Variants in TBC1D22A observed in about 807,000 individuals in gnomAD.
TBC1D22A encodes the protein putative GTPase activator.
Under a neutral mutation model 60.2 loss-of-function variants are expected in TBC1D22A, and 38 were observed. That is an observed-to-expected ratio of 0.63 (90% CI 0.49 to 0.83). The LOEUF (loss-of-function observed/expected upper bound fraction) is 0.83. Among genes scored for constraint, TBC1D22A ranks in the 40% least tolerant of loss-of-function variants. The probability of loss-of-function intolerance (pLI) is 0.00; values close to 1 mark genes in which losing one functional copy is unlikely to be tolerated. For missense variants in TBC1D22A, 628 were observed against 701.0 expected (o/e 0.90, Z 1.18); for synonymous variants, 302 against 281.7 (o/e 1.07, Z -0.72).
In TBC1D22A at chr22:46,904,142, T is replaced by TCTACCTACCTAC. The variant is rs11268390; in HGVS notation, c.901-7910_901-7899dup. Among the ~76,000 whole-genome samples, 186 of 134,574 alleles carry TCTACCTACCTAC rather than the reference T, an allele frequency of 1.4e-3. 1 individual carries two copies. Among genetic ancestry groups the TCTACCTACCTAC allele is most frequent in the African/African-American group, 5.2e-3 (177 of 33,882 alleles). 88.3% of individuals were successfully genotyped at this position (134,574 alleles called of 152,430 possible). ...ATCTATCTATCTATCTATCTATCTATCTACCTACCTACCTACCTACCTACC... is the reference window on the plus strand; with the variant it reads ...ATCTATCTATCTATCTATCTATCTATCTACCTACCTACCTACCTACCTACCTACCTACCTACC... On this transcript the variant is annotated intron_variant, in intron 7 of 12. Transcript: ENST00000337137.
intron 8 of TBC1D22A, among the ~76,000 whole-genome samples, chr22:46,946,254 T>C (rs924890977): frequency 1.3e-5 from 2 of 152,222 alleles, no homozygotes; most frequent in Non-Finnish European, 2.9e-5. Flanking sequence ...GTGGCTGAAC[T>C]GAACCACGTT....
intron 10 of TBC1D22A, among the ~76,000 whole-genome samples, chr22:46,998,385 G>A (rs896062316): frequency 2.0e-5 from 3 of 152,100 alleles, no homozygotes; most frequent in African/African-American, 7.2e-5. Context: ...AAGCAGAACC[G>A]GGCATGTATT....
chr22:46,957,217 TA>T (rs1360528543), intron 8 of TBC1D22A, among the ~76,000 whole-genome samples: 1 of 152,174 alleles, frequency 6.6e-6, no homozygotes, highest in Non-Finnish European at 1.5e-5. Context: ...TGTTTGGAAA[TA>T]AAACAAAAGT....
chr22:46,985,284 T>C (rs1485673276), intron 9 of TBC1D22A, among the ~76,000 whole-genome samples: 1 of 152,138 alleles, frequency 6.6e-6, no homozygotes, highest in African/African-American at 2.4e-5. Context: ...AATGAATGCC[T>C]GGAGCGCCGA....
chr22:46,984,404 A>AG (rs2074639331), intron 9 of TBC1D22A, among the ~76,000 whole-genome samples: 2 of 142,876 alleles, frequency 1.4e-5, no homozygotes, highest in South Asian at 2.2e-4. Context: ...AAAAAAAAAA[A>AG]AAGAGAAGTT....
At chr22:46,921,404 A>G (rs761938370) in intron 8 of TBC1D22A, among the ~76,000 whole-genome samples, 4 of 152,226 alleles carry the variant, frequency 2.6e-5, no homozygotes, top group Non-Finnish European at 2.9e-5. Flanking sequence ...CCATGTTGCT[A>G]CAAAGGATGT....
At chr22:46,883,403 G>A (rs943296085) in intron 5 of TBC1D22A, among the ~76,000 whole-genome samples, 2 of 152,204 alleles carry the variant, frequency 1.3e-5, no homozygotes, top group Non-Finnish European at 2.9e-5. Context: ...ATACTTGAAT[G>A]TATTTCATTT....
chr22:47,049,651 C>G (rs375394392), intron 11 of TBC1D22A, among the ~76,000 whole-genome samples: 5 of 152,184 alleles, frequency 3.3e-5, no homozygotes, highest in Admixed American at 2.6e-4. Flanking sequence ...AAACATAACA[C>G]AAATCAAATA....
chr22:46,891,042 C>T (rs1349082493), intron 5 of TBC1D22A, among the ~76,000 whole-genome samples: 1 of 152,176 alleles, frequency 6.6e-6, no homozygotes, highest in Non-Finnish European at 1.5e-5. Context: ...GACGCAAGCC[C>T]AGGCCCCTTC....
At chr22:47,094,572 C>T (rs917390109) in intron 11 of TBC1D22A, among the ~76,000 whole-genome samples, 2 of 152,194 alleles carry the variant, frequency 1.3e-5, no homozygotes, top group Non-Finnish European at 2.9e-5. Flanking sequence ...AGATAAATGC[C>T]CTCTGTCTAT....
chr22:46,775,572 G>A (rs1416672043), intron 1 of TBC1D22A, among the ~76,000 whole-genome samples: 4 of 152,194 alleles, frequency 2.6e-5, no homozygotes, highest in African/African-American at 7.2e-5. Context: ...GGCCACAGCT[G>A]CCTCCTGGAA....
intron 8 of TBC1D22A, among the ~76,000 whole-genome samples, chr22:46,966,263 C>T (rs1330771040): frequency 6.6e-6 from 1 of 152,128 alleles, no homozygotes; most frequent in Non-Finnish European, 1.5e-5. Flanking sequence ...GCCTTCTGCC[C>T]CATCACCCTG....
chr22:46,799,531 C>T (rs2084807284), intron 4 of TBC1D22A, among the ~76,000 whole-genome samples: 1 of 152,222 alleles, frequency 6.6e-6, no homozygotes, highest in Non-Finnish European at 1.5e-5. Flanking sequence ...CATCCACAGT[C>T]CATAGTCACA....
At chr22:46,783,685 C>A (rs955358638) in intron 1 of TBC1D22A, among the ~76,000 whole-genome samples, 9 of 152,174 alleles carry the variant, frequency 5.9e-5, no homozygotes, top group African/African-American at 2.2e-4. Context: ...TGTCAACTTG[C>A]TCTCCTCTTC....
At chr22:46,769,565 G>A (rs2083417213) in intron 1 of TBC1D22A, among the ~76,000 whole-genome samples, 1 of 152,176 alleles carries the variant, frequency 6.6e-6, no homozygotes, top group African/African-American at 2.4e-5. Context: ...AGACCTGGCT[G>A]TACAGCAGGA....
chr22:46,884,399 C>T (rs557100368), intron 5 of TBC1D22A, among the ~76,000 whole-genome samples: 3 of 152,274 alleles, frequency 2.0e-5, no homozygotes, highest in Non-Finnish European at 4.4e-5. Flanking sequence ...ACTGTGTTTC[C>T]CATCAGGGAA....
intron 8 of TBC1D22A, among the ~76,000 whole-genome samples, chr22:46,947,757 C>T (rs2072641681): frequency 6.6e-6 from 1 of 151,722 alleles, no homozygotes; most frequent in African/African-American, 2.4e-5. Context: ...GTGGCAGAGA[C>T]GCCTGCCCAA....
At chr22:46,960,127 T>G (rs2073416004) in intron 8 of TBC1D22A, among the ~76,000 whole-genome samples, 1 of 152,212 alleles carries the variant, frequency 6.6e-6, no homozygotes, top group Admixed American at 6.5e-5. Flanking sequence ...TCTCTTCTGT[T>G]ACCTCCAATT....
intron 4 of TBC1D22A, among the ~76,000 whole-genome samples, chr22:46,838,015 G>A (rs1251238786): frequency 6.6e-6 from 1 of 152,290 alleles, no homozygotes; most frequent in Middle Eastern, 3.4e-3. Flanking sequence ...AGCCAAGATT[G>A]CGCCACTGCA....
Sources: allele counts gnomAD v4.1 joint callset (sites outside exome capture counted in the v4.1 genomes callset), GRCh38; gene constraint gnomAD v4.1.1; transcripts MANE v1.5; gene names NCBI Gene and HGNC (gene_info 2026-07-23, HGNC 2026-07-21).